The following ZNF717 variants were observed in gnomAD, a reference collection of about 807,000 sequenced individuals.
The protein encoded by ZNF717 is krueppel-like factor X17.
Under a neutral mutation model 13.8 loss-of-function variants are expected in ZNF717, and 9 were observed. The ratio of observed to expected loss-of-function variants is 0.65; its 90% CI spans 0.39 to 1.14. The LOEUF is 1.14. Among genes scored for constraint, ZNF717 ranks in the 50% most tolerant of loss-of-function variants. ZNF717 has a pLI of 0.01. For synonymous variants in ZNF717, 327 were observed against 364.1 expected, an observed-to-expected ratio of 0.90 and a Z score of 1.16; for missense variants, 1,040 against 1,080.7, an observed-to-expected ratio of 0.96 and a Z score of 0.53.
intron 2 of ZNF717, among the ~76,000 whole-genome samples, chr3:75,759,151 T>C (rs1014888216): frequency 6.6e-6 from 1 of 152,144 alleles, no homozygotes; most frequent in Non-Finnish European, 1.5e-5. Context: ...CAAAAGAAAT[T>C]GTATAACTCA....
chr3:75,754,383 A>G (rs1488764357), intron 2 of ZNF717, among the ~76,000 whole-genome samples: 1 of 152,200 alleles, frequency 6.6e-6, no homozygotes, highest in Admixed American at 6.5e-5. Flanking sequence ...ATTTGTAGCA[A>G]CAGAGCAAGC....
At chr3:75,735,768 T>G (rs1197053634), downstream of ZNF717, 1 of 151,438 alleles carries the variant, frequency 6.6e-6, no homozygotes, top group Non-Finnish European at 1.5e-5. Context: ...GAAAATGATA[T>G]GGCAAAATTA....
intron 5 of ZNF717, among the ~76,000 whole-genome samples, chr3:75,713,690 G>T (rs1177827563): frequency 1.3e-5 from 2 of 152,026 alleles, no homozygotes; most frequent in African/African-American, 4.8e-5. Flanking sequence ...AGCCCCACAG[G>T]GTCTGTGGGT....
At chr3:75,764,754 A>G (rs2107586118) in intron 2 of ZNF717, among the ~76,000 whole-genome samples, 1 of 152,304 alleles carries the variant, frequency 6.6e-6, no homozygotes, top group South Asian at 2.1e-4. Flanking sequence ...ACAGAAAGTA[A>G]CAAGTGCAGG....
chr3:75,765,252 T>A (rs372364193), intron 2 of ZNF717, among the ~76,000 whole-genome samples: 4,465 of 79,074 alleles, frequency 0.056, no homozygotes, highest in Middle Eastern at 0.095. Context: ...AGTTGTTGAA[T>A]GGGTATAGAG....
chr3:75,742,549 C>T (rs1277080479), intron 2 of ZNF717, among the ~76,000 whole-genome samples: 5 of 45,034 alleles, frequency 1.1e-4, no homozygotes, highest in Non-Finnish European at 2.4e-4. Context: ...CCACATGAAC[C>T]ATGAATTCTC....
intron 4 of ZNF717, among the ~76,000 whole-genome samples, chr3:75,718,024 G>A (rs1228764564): frequency 6.6e-6 from 1 of 152,204 alleles, no homozygotes; most frequent in East Asian, 1.9e-4. Flanking sequence ...ATGGGACAGG[G>A]AACAGGGAGA....
intron 2 of ZNF717, among the ~76,000 whole-genome samples, chr3:75,777,034 C>T (rs1464168667): frequency 4.6e-5 from 7 of 152,180 alleles, no homozygotes; most frequent in Non-Finnish European, 7.3e-5. Flanking sequence ...TCCCAGTAGT[C>T]GTAAGAGTCT....
At chr3:75,746,763 A>G (rs1941223656) in intron 2 of ZNF717, among the ~76,000 whole-genome samples, 1 of 152,018 alleles carries the variant, frequency 6.6e-6, no homozygotes, top group South Asian at 2.1e-4. Context: ...TAGATTCTGG[A>G]TATTAGCCCT....
downstream of ZNF717, among the ~76,000 whole-genome samples, chr3:75,735,589 G>A (rs1231343441): frequency 1.8e-5 from 2 of 109,826 alleles, no homozygotes; most frequent in Non-Finnish European, 3.7e-5. Flanking sequence ...AGGCTGCAGG[G>A]AGCCATGATC....
At chr3:75,780,552 C>A (rs1248123704) in intron 2 of ZNF717, among the ~76,000 whole-genome samples, 1 of 148,334 alleles carries the variant, frequency 6.7e-6, no homozygotes, top group Non-Finnish European at 1.5e-5. Flanking sequence ...CAGGTGCCCA[C>A]CACCACGCTC....
At chr3:75,742,177 AT>A (rs1220437996) in intron 2 of ZNF717, among the ~76,000 whole-genome samples, 5 of 46,600 alleles carry the variant, frequency 1.1e-4, no homozygotes, top group Non-Finnish European at 3.6e-4. Flanking sequence ...TAATAAAAAA[AT>A]ATAGGCATAA....
intron 2 of ZNF717, among the ~76,000 whole-genome samples, chr3:75,779,609 T>A (rs1197848084): frequency 3.0e-5 from 4 of 134,844 alleles, no homozygotes; most frequent in Non-Finnish European, 4.7e-5. Flanking sequence ...CTGGGAGAGA[T>A]GTGCTAAACA....
At chr3:75,753,598 T>C (rs796429997) in intron 2 of ZNF717, among the ~76,000 whole-genome samples, 4 of 77,396 alleles carry the variant, frequency 5.2e-5, no homozygotes, top group African/African-American at 1.8e-4. Flanking sequence ...TGAATGTTTG[T>C]CCTTCACATA....
At chr3:75,735,338 C>G (rs1396006211), downstream of ZNF717, among the ~76,000 whole-genome samples, 1 of 152,152 alleles carries the variant, frequency 6.6e-6, no homozygotes, top group African/African-American at 2.4e-5. Flanking sequence ...CTAGTAAAAA[C>G]CAAAGTATAG....
chr3:75,762,528 A>G (rs1235516945), intron 2 of ZNF717, among the ~76,000 whole-genome samples: 2 of 152,098 alleles, frequency 1.3e-5, no homozygotes, highest in African/African-American at 4.8e-5. Context: ...AGATTTGAAC[A>G]CCAAAAACTA....
At chr3:75,749,676 A>G (rs78463433) in intron 2 of ZNF717, among the ~76,000 whole-genome samples, 15 of 136,134 alleles carry the variant, frequency 1.1e-4, no homozygotes, top group Middle Eastern at 4.5e-3. Context: ...CTGCTGCTGG[A>G]TTCTGAGTAT....
rs1386310476 is a variant in ZNF717, at chr3:75,744,185, A to G, written c.58-2449T>C. On this transcript the variant is annotated intron_variant, in intron 2 of 4. Transcript: ENST00000652011. ...GTTCAATATTCGGAAGTCTACTAAT[A>G]TAATTCATCATGATCATAGTCCTGT... Among the ~76,000 whole-genome samples, 6 of 152,388 alleles carry G rather than the reference A, an allele frequency of 3.9e-5. No individual in the cohort carries two copies. The East Asian group carries it at 9.6e-4, about 24-fold the overall frequency.
In ZNF717 at chr3:75,741,654, T is replaced by A. The variant is rs1464868318; in HGVS notation, c.140A>T (p.Tyr47Phe). Residue 47 changes from tyrosine (Y) to phenylalanine (F), a missense_variant, in exon 3 of 5, where the codon TAC becomes TTC. This residue lies in a region of ZNF717 where 123 missense variants were observed against 177.8 expected (regional missense o/e 0.69). Transcript: ENST00000652011. ...QDLDDAQRTL[Y>F]RDVMLETYSS... ...GTAGGTCTCCAGCATCACGTCCCTG[T>A]ACAGGGTCCTCTGAGCATCATCCAG... The A allele has an allele frequency of 1.2e-6, 2 of 1,601,550 alleles. No homozygotes were observed. The highest frequency in any genetic ancestry group is 2.2e-5 in the East Asian group (1 of 44,472).
Sources: allele counts gnomAD v4.1 joint callset (sites outside exome capture counted in the v4.1 genomes callset), GRCh38; gene constraint gnomAD v4.1.1; regional missense constraint gnomAD v4.1.1; transcripts MANE v1.5; gene names NCBI Gene and HGNC (gene_info 2026-07-23, HGNC 2026-07-21).